The following PRKN variants were observed in gnomAD, a reference collection of about 807,000 sequenced individuals.
PRKN encodes the protein parkin RBR E3 ubiquitin protein ligase.
A neutral mutation model predicts 59.5 loss-of-function variants in PRKN; 56 were observed. The ratio of observed to expected loss-of-function variants is 0.94; its 90% confidence interval spans 0.76 to 1.18. The LOEUF (loss-of-function observed/expected upper bound fraction) is 1.18. PRKN is among the 50% of genes most tolerant of loss of function. The pLI, the probability that PRKN is intolerant of heterozygous loss-of-function variation, is 0.00. For synonymous variants in PRKN, 250 were observed against 222.1 expected, an observed-to-expected ratio of 1.13 and a Z score of -1.12; for missense variants, 657 against 596.4, an observed-to-expected ratio of 1.10 and a Z score of -1.06.
At chr6:161,688,228 T>C (rs1463708579) in intron 7 of PRKN, among the ~76,000 whole-genome samples, 3 of 152,218 alleles carry the variant, frequency 2.0e-5, no homozygotes, top group Non-Finnish European at 4.4e-5. Context: ...ACTTAGTGAA[T>C]GGCTAGGTCA....
intron 1 of PRKN, among the ~76,000 whole-genome samples, chr6:162,461,499 CAAAAAAAAAAAAAAA>C (rs780424226): frequency 5.5e-5 from 2 of 36,518 alleles, no homozygotes; most frequent in East Asian, 1.4e-3. Flanking sequence ...TAAAGTGTCT[CAAAAAAAAAAAAAAA>C]AAAAAAAAAA....
At chr6:162,394,558 C>T (rs1787379017) in intron 2 of PRKN, among the ~76,000 whole-genome samples, 1 of 152,096 alleles carries the variant, frequency 6.6e-6, no homozygotes, top group African/African-American at 2.4e-5. Flanking sequence ...TCAAAAAAGC[C>T]ATCACAGTGC....
chr6:161,672,579 C>A (rs550009527), intron 7 of PRKN, among the ~76,000 whole-genome samples: 3 of 152,094 alleles, frequency 2.0e-5, no homozygotes, highest in Non-Finnish European at 4.4e-5. Flanking sequence ...AGTTCGAGAC[C>A]AGCCTGGACA....
chr6:162,550,594 T>C (rs1562376605), intron 1 of PRKN, among the ~76,000 whole-genome samples: 1 of 152,134 alleles, frequency 6.6e-6, no homozygotes, highest in Non-Finnish European at 1.5e-5. Flanking sequence ...AGCTACTTGG[T>C]AAAGTTTCTG....
intron 1 of PRKN, among the ~76,000 whole-genome samples, chr6:162,557,809 G>A (rs555637891): frequency 5.3e-5 from 8 of 152,078 alleles, no homozygotes; most frequent in Admixed American, 2.6e-4. Context: ...TATGCTCGGC[G>A]GATGGTGCTG....
chr6:161,955,068 C>A (rs1487946934), intron 6 of PRKN, among the ~76,000 whole-genome samples: 4 of 152,150 alleles, frequency 2.6e-5, no homozygotes, highest in African/African-American at 4.8e-5. Flanking sequence ...TAAGCAGTCT[C>A]GGAGGAAGTC....
intron 6 of PRKN, among the ~76,000 whole-genome samples, chr6:161,837,747 A>C (rs1413290138): frequency 7.9e-5 from 12 of 152,210 alleles, no homozygotes; most frequent in Admixed American, 7.9e-4. Context: ...GGTGAGCTTC[A>C]ATCTGTCCAC....
At chr6:162,564,974 T>C (rs1779999487) in intron 1 of PRKN, among the ~76,000 whole-genome samples, 1 of 151,936 alleles carries the variant, frequency 6.6e-6, no homozygotes, top group African/African-American at 2.4e-5. Flanking sequence ...TATAACAGTG[T>C]AACTGTGGTG....
chr6:162,410,878 C>T (rs533195812), intron 2 of PRKN, among the ~76,000 whole-genome samples: 2 of 152,102 alleles, frequency 1.3e-5, no homozygotes, highest in African/African-American at 4.8e-5. Context: ...AGGACTGTGA[C>T]AGGGAAGAAG....
chr6:162,718,871 T>C (rs1778825957), intron 1 of PRKN, among the ~76,000 whole-genome samples: 1 of 152,202 alleles, frequency 6.6e-6, no homozygotes, highest in Non-Finnish European at 1.5e-5. Flanking sequence ...GTGACTTCTT[T>C]GAAATCAAGA....
chr6:161,985,499 T>G (rs778418951), intron 5 of PRKN, among the ~76,000 whole-genome samples: 13 of 152,188 alleles, frequency 8.5e-5, no homozygotes. Flanking sequence ...TACGAGAAAC[T>G]GAGGAGACAG....
intron 1 of PRKN, chr6:162,727,318 T>TGAGGGGCGGCGGCGGGGCGAAGGC: frequency 5.9e-6 from 2 of 337,470 alleles, no homozygotes; most frequent in South Asian, 4.5e-5. Context: ...GGGGCGAAGG[T>TGAGGGGCGGCGGCGGGGCGAAGGC]GAGGGGCGGC....
At chr6:161,845,672 T>C (rs1293040182) in intron 6 of PRKN, among the ~76,000 whole-genome samples, 2 of 152,176 alleles carry the variant, frequency 1.3e-5, no homozygotes, top group Non-Finnish European at 2.9e-5. Context: ...ATTAAAGATA[T>C]ATACATCTCA....
At chr6:162,031,538 C>T (rs1034563461) in intron 5 of PRKN, among the ~76,000 whole-genome samples, 3 of 141,224 alleles carry the variant, frequency 2.1e-5, no homozygotes, top group South Asian at 2.3e-4. Flanking sequence ...TTTTCTTTTT[C>T]TTTTTTTTTT....
At chr6:161,553,674 A>T (rs2315321) in intron 8 of PRKN, among the ~76,000 whole-genome samples, 71,987 of 152,006 alleles carry the variant, frequency 0.47, 17,344 homozygotes, top group East Asian at 0.67. Context: ...GTGGTATTGT[A>T]TGAATAGGAA....
chr6:161,765,249 T>A (rs559025051), intron 7 of PRKN, among the ~76,000 whole-genome samples: 1 of 152,198 alleles, frequency 6.6e-6, no homozygotes, highest in African/African-American at 2.4e-5. Context: ...CAGTCCCTTA[T>A]TTAAATGGCA....
intron 1 of PRKN, among the ~76,000 whole-genome samples, chr6:162,704,118 G>T (rs1382284635): frequency 2.6e-5 from 4 of 152,182 alleles, no homozygotes; most frequent in Non-Finnish European, 5.9e-5. Flanking sequence ...TGAGGGTAAA[G>T]TGTGAGGACA....
At chr6:162,609,588 A>T (rs1204626846) in intron 1 of PRKN, among the ~76,000 whole-genome samples, 1 of 152,206 alleles carries the variant, frequency 6.6e-6, no homozygotes, top group African/African-American at 2.4e-5. Flanking sequence ...CTTTTTAGGT[A>T]ATCTCTCATT....
intron 6 of PRKN, among the ~76,000 whole-genome samples, chr6:161,855,113 AAAAG>A (rs1793598858): frequency 6.6e-6 from 1 of 151,718 alleles, no homozygotes; most frequent in Non-Finnish European, 1.5e-5. Context: ...AAAAAAAAGA[AAAAG>A]AAAAGTGGTT....
Sources: gnomAD v4.1 joint callset for allele counts (sites outside exome capture counted in the v4.1 genomes callset) on GRCh38, gnomAD v4.1.1 for gene constraint, MANE v1.5 for transcripts, NCBI Gene and HGNC (gene_info 2026-07-23, HGNC 2026-07-21) for gene names.